Variants in SETD5 observed in about 807,000 individuals in gnomAD.
SETD5 encodes SET domain containing 5.
Under a neutral mutation model 153.3 loss-of-function variants are expected in SETD5, and 44 were observed. The observed-to-expected ratio is 0.29, with a 90% CI of 0.23 to 0.37. The LOEUF is 0.37. Among genes scored for constraint, SETD5 ranks in the 10% least tolerant of loss-of-function variants. The pLI, the probability that SETD5 is intolerant of heterozygous loss-of-function variation, is 1.00. For synonymous variants in SETD5, 716 were observed against 645.2 expected (o/e 1.11, Z -1.66); for missense variants, 1,544 against 1,768.0 (o/e 0.87, Z 2.27).
At chr3:9,426,485 C>T (rs966833053) in intron 2 of SETD5, among the ~76,000 whole-genome samples, 26 of 151,798 alleles carry the variant, frequency 1.7e-4, no homozygotes, top group African/African-American at 6.3e-4. Context: ...CAACCTCCAC[C>T]TCCTGGGTTC....
At chr3:9,418,064 C>G (rs1230414373) in intron 1 of SETD5, among the ~76,000 whole-genome samples, 1 of 151,880 alleles carries the variant, frequency 6.6e-6, no homozygotes, top group South Asian at 2.1e-4. Flanking sequence ...CCTCAGCCTC[C>G]CGAATAGCTG....
At chr3:9,435,950 G>A (rs1468811214) in intron 7 of SETD5, 44 bp downstream of exon 7, 3 of 1,503,796 alleles carry the variant, frequency 2.0e-6, no homozygotes, top group South Asian at 2.6e-5. Flanking sequence ...GTCTGAAATA[G>A]CTTAAATTTT....
intron 13 of SETD5, among the ~76,000 whole-genome samples, chr3:9,446,095 C>T (rs28581173): frequency 1.6e-4 from 24 of 149,246 alleles, no homozygotes; most frequent in Admixed American, 8.0e-4. Context: ...AGACCATCCT[C>T]GCTAACACGG....
intron 2 of SETD5, among the ~76,000 whole-genome samples, chr3:9,426,541 C>T (rs915827582): frequency 2.6e-5 from 4 of 151,796 alleles, no homozygotes; most frequent in African/African-American, 9.7e-5. Context: ...GGATTACCAG[C>T]GTGTGCCACT....
chr3:9,466,424 G>GGTTTT (rs1000362303), intron 18 of SETD5, among the ~76,000 whole-genome samples: 4 of 151,658 alleles, frequency 2.6e-5, no homozygotes, highest in South Asian at 2.1e-4. Context: ...AAGTGGTTTT[G>GGTTTT]GTTTTGTTTT....
rs369464825 is a variant in SETD5 at position 9,434,885 on chromosome 3, G to A, written c.388+3G>A. On this transcript the variant is annotated splice_donor_region_variant and intron_variant, in intron 6 of 22. Transcript: ENST00000402198. This position sits in a 1 kb window ranked among gnomAD's most constrained non-coding sequence, Gnocchi z 5.6. ...GCGGAAGCAGGACAACATATCAGGT[G>A]AGCGGAAGATGGGTTAGGTCCACAA... The A allele has an allele frequency of 1.9e-6, 3 of 1,612,736 alleles. No individual in the cohort carries two copies. The highest frequency in any genetic ancestry group is 2.7e-5 in the African/African-American group (2 of 74,870).
intron 7 of SETD5, among the ~76,000 whole-genome samples, chr3:9,436,161 C>CT (rs1455165517): frequency 2.0e-5 from 3 of 152,168 alleles, no homozygotes; most frequent in Non-Finnish European, 4.4e-5. Context: ...CCAGCCCTAC[C>CT]TGGCACAATC....
At chr3:9,470,296 CTG>C (rs1467824258) in intron 18 of SETD5, among the ~76,000 whole-genome samples, 161 bp from the exon 19 acceptor site, 1 of 152,206 alleles carries the variant, frequency 6.6e-6, no homozygotes, top group Non-Finnish European at 1.5e-5. Context: ...CCCATGTACA[CTG>C]TTGCTACGTG....
At chr3:9,403,003 G>A (rs2125426879) in intron 1 of SETD5, among the ~76,000 whole-genome samples, 1 of 152,266 alleles carries the variant, frequency 6.6e-6, no homozygotes, top group South Asian at 2.1e-4. Flanking sequence ...TGGCCAAACA[G>A]CTAGATAAGT....
chr3:9,413,775 G>A lies in SETD5; in HGVS notation c.-176-10692G>A, dbSNP rs557454032. 1.3e-3 allele frequency among the ~76,000 whole-genome samples: 187 copies of A among 145,398 alleles called. 1 individual carries two copies. Among genetic ancestry groups the A allele is most frequent in the African/African-American group, 5.1e-3 (184 of 35,758 alleles). The stretch of plus-strand genomic sequence containing the variant: ...GAAGTTTCATTTTTTGTTTGTTTTT[G>A]TTTTGTTTTGTTTTGTTTTTGAGAC... On this transcript the variant is annotated intron_variant, in intron 1 of 22. Coordinates refer to ENST00000402198, the MANE Select transcript of SETD5 (RefSeq NM_001080517.3).
chr3:9,431,500 A>C, intron 3 of SETD5: 1 of 964,306 alleles, frequency 1.0e-6, no homozygotes, highest in Non-Finnish European at 1.2e-6. Flanking sequence ...TATTTTAGGA[A>C]ATCTTGTAGT....
intron 18 of SETD5, among the ~76,000 whole-genome samples, chr3:9,466,961 T>C (rs915807246): frequency 3.3e-5 from 5 of 152,004 alleles, no homozygotes; most frequent in Non-Finnish European, 5.9e-5. Flanking sequence ...ACCAGGAGTT[T>C]AAGACTGCAG....
At chr3:9,472,004 C>G (rs920940282) in intron 19 of SETD5, among the ~76,000 whole-genome samples, 1 of 151,896 alleles carries the variant, frequency 6.6e-6, no homozygotes, top group Non-Finnish European at 1.5e-5. Flanking sequence ...AATGAGAACC[C>G]TAAGGGGATA....
At chr3:9,468,071 A>G (rs778657674) in intron 18 of SETD5, among the ~76,000 whole-genome samples, 3 of 151,002 alleles carry the variant, frequency 2.0e-5, no homozygotes, top group Non-Finnish European at 4.4e-5. Context: ...CCTGAGGCAT[A>G]TAAGAGAATA....
At position 9,470,526 on chromosome 3, in the gene SETD5, C is replaced by T. The variant is rs2045186228; in HGVS notation, c.2792C>T (p.Ala931Val). 2 of 1,613,988 alleles carry T rather than the reference C, an allele frequency of 1.2e-6. No homozygotes were observed. Among genetic ancestry groups the T allele is most frequent in the Non-Finnish European group, 1.7e-6 (2 of 1,179,882 alleles). ...GYLDSNTNSC[A>V]DRPSLLNSGH... ...CTTGACTCCAACACTAACAGCTGTGCTGATAGACCTTCCCTACTCAACTCA... is the reference window on the plus strand; with the variant it reads ...CTTGACTCCAACACTAACAGCTGTGTTGATAGACCTTCCCTACTCAACTCA... Residue 931 changes from alanine (A) to valine (V), a missense_variant, in exon 19 of 23, where the codon GCT becomes GTT. Coordinates refer to ENST00000402198, the MANE Select transcript of SETD5 (RefSeq NM_001080517.3).
intron 1 of SETD5, among the ~76,000 whole-genome samples, chr3:9,407,054 G>T (rs376328853): frequency 6.6e-6 from 1 of 152,214 alleles, no homozygotes; most frequent in East Asian, 1.9e-4. Context: ...CCAGCCAGGC[G>T]TGGCGGCTCA....
rs1559380190 is a variant in SETD5 at position 9,425,051 on chromosome 3, G to GTTTTTTTTTTTTT, written c.-117+528_-117+529insTTTTTTTTTTTTT. Reference sequence around the variant, plus strand: ...ATAGAAATTTATAGTTACCGACAATGTTTCTTTTTTTTTTTTTTTTTTTTT... The same window carrying GTTTTTTTTTTTTT: ...ATAGAAATTTATAGTTACCGACAATGTTTTTTTTTTTTTTTTCTTTTTTTTTTTTTTTTTTTTT... On this transcript the variant is annotated intron_variant, in intron 2 of 22. Transcript: ENST00000402198. Among the ~76,000 whole-genome samples the GTTTTTTTTTTTTT allele has an allele frequency of 7.2e-4, 66 of 91,390 alleles. 1 individual carries two copies. Among genetic ancestry groups the GTTTTTTTTTTTTT allele is most frequent in the African/African-American group, 3.2e-3 (64 of 19,906 alleles). The allele number at this position is 91,390 out of a possible 152,430, so 60.0% of individuals were successfully genotyped here.
At chr3:9,398,622 A>T (rs2034167144) in intron 1 of SETD5, 1 of 152,216 alleles carries the variant, frequency 6.6e-6, no homozygotes, top group Non-Finnish European at 1.5e-5. Context: ...CCTGGAGTTG[A>T]GCCAGATTGT....
In SETD5 at chr3:9,464,661, C is replaced by T. The variant is rs1461964775; in HGVS notation, c.2713C>T (p.Leu905=). Reference sequence around the variant, plus strand: ...TACTGCTAGTCGCTGCAACACTCCTCTACAGTTTGAGGTGATTTGGGTTTG... The same window carrying T: ...TACTGCTAGTCGCTGCAACACTCCTTTACAGTTTGAGGTGATTTGGGTTTG... ...LTTASRCNTP[L]QFELCHRKDL... Residue 905 remains leucine (L), a synonymous_variant, in exon 18 of 23, where the codon CTA becomes TTA. Coordinates refer to ENST00000402198, the MANE Select transcript of SETD5 (RefSeq NM_001080517.3). The T allele has an allele frequency of 3.1e-6, 5 of 1,613,882 alleles. No individual in the cohort carries two copies. The highest frequency in any genetic ancestry group is 2.2e-5 in the East Asian group (1 of 44,890).
Sources: allele counts gnomAD v4.1 joint callset (sites outside exome capture counted in the v4.1 genomes callset), GRCh38; gene constraint gnomAD v4.1.1; non-coding constraint Gnocchi (gnomAD v3.1); transcripts MANE v1.5; gene names NCBI Gene and HGNC (gene_info 2026-07-23, HGNC 2026-07-21).